Variants in IREB2 observed in about 807,000 individuals in gnomAD.
IREB2 encodes the protein iron responsive element binding protein 2.
Under a neutral mutation model 118.8 loss-of-function variants are expected in IREB2, and 39 were observed. That is an observed-to-expected ratio of 0.33 (90% CI 0.25 to 0.43). The LOEUF is 0.43. IREB2 is among the 20% of genes least tolerant of loss of function. The pLI is 1.00. For missense variants in IREB2, 900 were observed against 1,147.3 expected (o/e 0.78, Z 3.11); for synonymous variants, 372 against 392.2 (o/e 0.95, Z 0.61).
chr15:78,470,688 CCTT>C, intron 6 of IREB2, 87 bp downstream of exon 6: 2 of 404,868 alleles, frequency 4.9e-6, no homozygotes, highest in Non-Finnish European at 4.1e-6. Flanking sequence ...TTTTTCTTTT[CCTT>C]TTTTTTTTTT....
chr15:78,486,975 AT>A (rs1296581395), intron 13 of IREB2, among the ~76,000 whole-genome samples: 1 of 152,148 alleles, frequency 6.6e-6, no homozygotes, highest in Non-Finnish European at 1.5e-5. Context: ...CAGCCTAGTT[AT>A]ATTTTCGGTG....
Position 78,462,920 on chromosome 15 carries a change from A to G in IREB2, c.107-2A>G. 6.3e-7 allele frequency: 1 copy of G among 1,575,430 alleles called. No homozygotes were observed. The highest frequency in any genetic ancestry group is 8.6e-7 in the Non-Finnish European group (1 of 1,165,816). Reference sequence around the variant, plus strand: ...ATTAATAGTAATATTTTCTTGAATCAGATGTTCTGCCTTACTCAATACGGG... The same window carrying G: ...ATTAATAGTAATATTTTCTTGAATCGGATGTTCTGCCTTACTCAATACGGG... On this transcript the variant is annotated splice_acceptor_variant, in intron 2 of 21. Coordinates refer to ENST00000258886, the MANE Select transcript of IREB2 (RefSeq NM_004136.4). LOFTEE classifies it high-confidence loss of function.
intron 1 of IREB2, 58 bp downstream of exon 1, chr15:78,438,414 C>G: frequency 6.4e-7 from 1 of 1,563,164 alleles, no homozygotes; most frequent in Non-Finnish European, 8.7e-7. Flanking sequence ...TGCCTAGGCG[C>G]CGAATTCCTT....
intron 5 of IREB2, among the ~76,000 whole-genome samples, chr15:78,467,498 C>G (rs1176534274): frequency 6.6e-6 from 1 of 152,138 alleles, no homozygotes; most frequent in Non-Finnish European, 1.5e-5. Context: ...TCGAGGCCAG[C>G]CTGGCAAACA....
chr15:78,470,181 G>A (rs981209407), intron 5 of IREB2, among the ~76,000 whole-genome samples: 2 of 152,216 alleles, frequency 1.3e-5, no homozygotes, highest in African/African-American at 4.8e-5. Flanking sequence ...GCCAGGTGGG[G>A]AGGAAAGTAC....
intron 18 of IREB2, 54 bp from the exon 19 acceptor site, chr15:78,493,855 T>A: frequency 6.5e-7 from 1 of 1,547,822 alleles, no homozygotes; most frequent in Non-Finnish European, 8.8e-7. Context: ...AGCTCAATAG[T>A]ATGTGATTAT....
intron 13 of IREB2, among the ~76,000 whole-genome samples, chr15:78,487,058 A>T (rs1208442717): frequency 1.3e-5 from 2 of 152,190 alleles, no homozygotes; most frequent in Non-Finnish European, 2.9e-5. Flanking sequence ...TGCTTTTAGA[A>T]TAGCATCTGA....
Position 78,483,329 on chromosome 15 carries a change from T to G in IREB2, c.1308T>G (p.Ile436Met). ...GEPEYSQVIQ[I>M]NLNSIVPSVS... ...TTCTCATTTCTTAGGTGATCCAGATTAATCTGAATTCAATAGTTCCATCTG... is the reference window on the plus strand; with the variant it reads ...TTCTCATTTCTTAGGTGATCCAGATGAATCTGAATTCAATAGTTCCATCTG... The change falls in exon 11 of 22, where the codon ATT (isoleucine) becomes ATG (methionine). Residue 436 changes from isoleucine (I) to methionine (M), a missense_variant. Ile to Met is a conservative substitution (Grantham distance 10). Coordinates refer to ENST00000258886, the MANE Select transcript of IREB2 (RefSeq NM_004136.4). The G allele has an allele frequency of 2.0e-6, 3 of 1,518,016 alleles. No individual in the cohort carries two copies. The highest frequency in any genetic ancestry group is 2.7e-6 in the Non-Finnish European group (3 of 1,092,978). 94.0% of individuals were successfully genotyped at this position (1,518,016 alleles called of 1,614,324 possible). A position where few individuals can be genotyped will look rare whatever the true frequency, so the allele number is the denominator to read the frequency against.
chr15:78,443,055 C>G (rs2050869374), intron 2 of IREB2, among the ~76,000 whole-genome samples: 1 of 152,116 alleles, frequency 6.6e-6, no homozygotes, highest in Admixed American at 6.5e-5. Flanking sequence ...TCAGTAGACA[C>G]CGGAGACTAT....
intron 13 of IREB2, among the ~76,000 whole-genome samples, chr15:78,486,559 C>T (rs995355075): frequency 1.3e-5 from 2 of 152,000 alleles, no homozygotes; most frequent in African/African-American, 4.8e-5. Flanking sequence ...GAACCCAGAT[C>T]GTGCCGCTGC....
upstream of IREB2, chr15:78,438,029 C>A: frequency 2.2e-6 from 1 of 446,214 alleles, no homozygotes; most frequent in South Asian, 3.3e-5. Context: ...AACGCCCCCA[C>A]TGGAGCCTCC....
At chr15:78,486,659 T>C (rs1174288765) in intron 13 of IREB2, among the ~76,000 whole-genome samples, 13 of 152,164 alleles carry the variant, frequency 8.5e-5, no homozygotes, top group Admixed American at 6.5e-4. Context: ...AAACAATTGA[T>C]GCTAGTTGTG....
At chr15:78,462,779 C>G (rs542676747) in intron 2 of IREB2, 143 bp from the exon 3 acceptor site, 1 of 581,096 alleles carries the variant, frequency 1.7e-6, no homozygotes, top group Non-Finnish European at 2.9e-6. Context: ...GTGTTACACT[C>G]TAGTTTGTCA....
At chr15:78,471,597 TTTG>T (rs1321261786) in intron 6 of IREB2, 141 bp from the exon 7 acceptor site, 1 of 462,200 alleles carries the variant, frequency 2.2e-6, no homozygotes, top group African/African-American at 2.0e-5. Context: ...TATCTGTATA[TTTG>T]TTTTTAACTA....
At chr15:78,440,838 C>G (rs557898273) in intron 2 of IREB2, among the ~76,000 whole-genome samples, 2 of 152,286 alleles carry the variant, frequency 1.3e-5, no homozygotes, top group South Asian at 4.1e-4. Context: ...TTATCAGGGT[C>G]AAACCTTTCT....
chr15:78,448,902 T>C (rs908524967), intron 2 of IREB2, among the ~76,000 whole-genome samples: 2 of 152,238 alleles, frequency 1.3e-5, no homozygotes, highest in Admixed American at 6.5e-5. Context: ...TAAAGCCTGC[T>C]TACTAGAGTA....
intron 2 of IREB2, among the ~76,000 whole-genome samples, chr15:78,455,993 A>G (rs534308780): frequency 4.6e-5 from 7 of 152,324 alleles, no homozygotes; most frequent in Admixed American, 2.0e-4. Flanking sequence ...GTGCTGCTCA[A>G]TAGTCTCATA....
intron 2 of IREB2, among the ~76,000 whole-genome samples, chr15:78,448,690 G>A (rs1436769232): frequency 1.3e-5 from 2 of 152,146 alleles, no homozygotes; most frequent in African/African-American, 4.8e-5. Context: ...CTTTTCTCCA[G>A]GCCCCTAGCC....
chr15:78,477,242 AT>A (rs754570397), intron 9 of IREB2, among the ~76,000 whole-genome samples: 6 of 152,212 alleles, frequency 3.9e-5, no homozygotes, highest in Admixed American at 1.3e-4. Context: ...GTAACAAATT[AT>A]CCTAAAATTT....
Sources: gnomAD v4.1 joint callset for allele counts (sites outside exome capture counted in the v4.1 genomes callset) on GRCh38, gnomAD v4.1.1 for gene constraint, MANE v1.5 for transcripts, NCBI Gene and HGNC (gene_info 2026-07-23, HGNC 2026-07-21) for gene names.